The following HRH1 variants were observed in gnomAD, a reference collection of about 807,000 sequenced individuals.
The protein encoded by HRH1 is histamine H1 receptor.
Under a neutral mutation model 10.3 loss-of-function variants are expected in HRH1, and 6 were observed. That is an observed-to-expected ratio of 0.58 (90% CI 0.32 to 1.15). HRH1 has a LOEUF of 1.15. Ranked by LOEUF, HRH1 falls within the 50% of genes most tolerant of loss-of-function variation. The pLI is 0.05. For synonymous variants in HRH1, 242 were observed against 236.7 expected (o/e 1.02, Z -0.21); for missense variants, 514 against 615.3 (o/e 0.84, Z 1.74).
intron 1 of HRH1, among the ~76,000 whole-genome samples, chr3:11,179,574 T>C (rs1195964946): frequency 2.0e-5 from 3 of 146,656 alleles, no homozygotes; most frequent in African/African-American, 7.6e-5. Flanking sequence ...GAGCTGAGAT[T>C]ACGCCACTGC....
intron 1 of HRH1, among the ~76,000 whole-genome samples, chr3:11,249,402 C>CAAA (rs4037602): frequency 7.5e-4 from 54 of 71,856 alleles, no homozygotes; most frequent in Non-Finnish European, 8.5e-4. Context: ...GACTCTGTCT[C>CAAA]AAAAAAAAAA....
chr3:11,206,837 C>T (rs769393516), intron 1 of HRH1, among the ~76,000 whole-genome samples: 3 of 152,132 alleles, frequency 2.0e-5, no homozygotes, highest in Non-Finnish European at 4.4e-5. Context: ...TCTGCACCCT[C>T]GAAGGGCACA....
rs765963183 is a variant in HRH1 at position 11,260,107 on chromosome 3, CCTT to C, written c.1073_1075del (p.Phe358del). 2,821 of 1,614,096 alleles carry C rather than the reference CCTT, an allele frequency of 1.7e-3. 6 individuals are homozygous for C. Among genetic ancestry groups the C allele is most frequent in the Non-Finnish European group, 2.0e-3 (2,386 of 1,180,018 alleles). On this transcript the variant is annotated inframe_deletion, in exon 2 of 2. Transcript: ENST00000431010. ...GATCAGATGTTAGGTGATAGCCAAT[CCTT>C]CTCTCGAACGGACTCAGATACCACC... is the stretch of plus-strand genomic sequence containing the variant.
intron 1 of HRH1, among the ~76,000 whole-genome samples, chr3:11,186,687 T>C (rs1487160862): frequency 6.6e-6 from 1 of 152,184 alleles, no homozygotes; most frequent in African/African-American, 2.4e-5. Flanking sequence ...TGGGTGTTCA[T>C]GTAGCACAGG....
rs561956665 is a variant in HRH1, at chr3:11,217,215, A to T, written c.-35-41788A>T. ...AACAAACACACAAACAAACAAAACCAAAAAAAAAAAAACAGAAAGAAAAAC... is the reference window on the plus strand; with the variant it reads ...AACAAACACACAAACAAACAAAACCTAAAAAAAAAAAACAGAAAGAAAAAC... On this transcript the variant is annotated intron_variant, in intron 1 of 1. Coordinates refer to ENST00000431010, the MANE Select transcript of HRH1 (RefSeq NM_001098212.2). Among the ~76,000 whole-genome samples the T allele has an allele frequency of 3.3e-4, 23 of 69,326 alleles. No individual in the cohort carries two copies. The South Asian group carries it at 7.4e-3, about 22-fold the overall frequency. The allele number at this position is 69,326 out of a possible 152,430, so 45.5% of individuals were successfully genotyped here. A position where few individuals can be genotyped will look rare whatever the true frequency, so the allele number is the denominator to read the frequency against.
At position 11,180,948 on chromosome 3, in the gene HRH1, T is replaced by TACACACACACACACACACAC. The variant is rs71055851; in HGVS notation, c.-36+26427_-36+26446dup. ...TGTGGACATACACTTCTCTCAGGCATACACACACACACACACACACACACA... is the reference window on the plus strand; with the variant it reads ...TGTGGACATACACTTCTCTCAGGCATACACACACACACACACACACACACACACACACACACACACACACA... On this transcript the variant is annotated intron_variant, in intron 1 of 1. Transcript: ENST00000431010. 5.6e-4 allele frequency among the ~76,000 whole-genome samples: 68 copies of TACACACACACACACACACAC among 121,116 alleles called. 1 individual carries two copies. Among genetic ancestry groups the TACACACACACACACACACAC allele is most frequent in the African/African-American group, 1.4e-3 (44 of 32,556 alleles). 79.5% of individuals were successfully genotyped at this position (121,116 alleles called of 152,430 possible).
chr3:11,189,657 C>T (rs1214395006), intron 1 of HRH1, among the ~76,000 whole-genome samples: 13 of 152,032 alleles, frequency 8.6e-5, no homozygotes, highest in Admixed American at 7.9e-4. Context: ...ACTGGCTGGG[C>T]GTGGTGGCTC....
rs1442719991 is a variant in HRH1, at chr3:11,261,246, GA to G, written c.*746del. 1 of 167,016 alleles carries G rather than the reference GA, an allele frequency of 6.0e-6. No homozygotes were observed. The highest frequency in any genetic ancestry group is 2.4e-5 in the African/African-American group (1 of 41,438). The allele number at this position is 167,016 out of a possible 1,614,324, so 10.3% of individuals were successfully genotyped here. A position where few individuals can be genotyped will look rare whatever the true frequency, so the allele number is the denominator to read the frequency against. On this transcript the variant is annotated 3_prime_UTR_variant, in exon 2 of 2. Coordinates refer to ENST00000431010, the MANE Select transcript of HRH1 (RefSeq NM_001098212.2). Reference sequence around the variant, plus strand: ...GGCTATTAAAAAAGTGGTGGCAAAAGACATCCTCAAAAGAAAGAGAAATGAA... The same window carrying G: ...GGCTATTAAAAAAGTGGTGGCAAAAGCATCCTCAAAAGAAAGAGAAATGAA...
intron 1 of HRH1, among the ~76,000 whole-genome samples, chr3:11,210,726 G>A (rs1168116752): frequency 1.3e-5 from 2 of 151,236 alleles, no homozygotes; most frequent in African/African-American, 4.9e-5. Context: ...TCGGGAGGCA[G>A]AGGTTGCAGT....
upstream of HRH1, among the ~76,000 whole-genome samples, chr3:11,151,459 T>C (rs907305029): frequency 2.6e-5 from 4 of 152,022 alleles, no homozygotes; most frequent in African/African-American, 9.7e-5. Context: ...GGGTTTAAGT[T>C]ACCTGCAATC....
At chr3:11,145,868 T>A (rs748808989) in intron 1 of HRH1, among the ~76,000 whole-genome samples, 2 of 152,232 alleles carry the variant, frequency 1.3e-5, no homozygotes, top group African/African-American at 2.4e-5. Flanking sequence ...ATCAAAGTAG[T>A]GACTTTTACT....
intron 1 of HRH1, among the ~76,000 whole-genome samples, chr3:11,212,978 T>C (rs1938376743): frequency 6.6e-6 from 1 of 152,194 alleles, no homozygotes; most frequent in South Asian, 2.1e-4. Context: ...GTGATGTTTT[T>C]TCCTGCAGAT....
chr3:11,229,018 A>G (rs1938971923), intron 1 of HRH1, among the ~76,000 whole-genome samples: 1 of 152,198 alleles, frequency 6.6e-6, no homozygotes, highest in Admixed American at 6.5e-5. Flanking sequence ...TAAGGGATAC[A>G]GGAAAGCTTC....
chr3:11,214,978 G>A (rs1938441793), intron 1 of HRH1, among the ~76,000 whole-genome samples: 1 of 152,204 alleles, frequency 6.6e-6, no homozygotes, highest in Non-Finnish European at 1.5e-5. Context: ...ATAATAGGCT[G>A]ACCTGAAGGT....
intron 1 of HRH1, among the ~76,000 whole-genome samples, chr3:11,217,057 A>G (rs1303435358): frequency 6.6e-6 from 1 of 150,902 alleles, no homozygotes; most frequent in East Asian, 2.0e-4. Context: ...TTGGTGAGGT[A>G]CGCCTGTAGT....
At chr3:11,241,024 G>A (rs990457075) in intron 1 of HRH1, among the ~76,000 whole-genome samples, 16 of 152,326 alleles carry the variant, frequency 1.1e-4, no homozygotes, top group African/African-American at 2.9e-4. Context: ...TGCTAAGCAT[G>A]TGGAAAACAT....
intron 1 of HRH1, among the ~76,000 whole-genome samples, chr3:11,239,411 A>G (rs1160126265): frequency 6.6e-6 from 1 of 152,210 alleles, no homozygotes; most frequent in East Asian, 1.9e-4. Context: ...TTTTGGATAC[A>G]TCAGATATAT....
At position 11,259,223 on chromosome 3, in the gene HRH1, G is replaced by C. The variant is rs1939868724; in HGVS notation, c.186G>C (p.Gly62=). 4 of 1,613,718 alleles carry C rather than the reference G, an allele frequency of 2.5e-6. No individual in the cohort carries two copies. The Admixed American group carries it at 6.7e-5, about 27-fold the overall frequency. ...VRSERKLHTV[G]NLYIVSLSVA... is the part of the protein sequence containing the mutation. Reference sequence around the variant, plus strand: ...GTGAGCGGAAGCTCCACACTGTGGGGAACCTGTACATCGTCAGCCTCTCGG... The same window carrying C: ...GTGAGCGGAAGCTCCACACTGTGGGCAACCTGTACATCGTCAGCCTCTCGG... The change falls in exon 2 of 2, where the codon GGG becomes GGC. Residue 62 remains glycine, a synonymous_variant. Coordinates refer to ENST00000431010, the MANE Select transcript of HRH1 (RefSeq NM_001098212.2). The surrounding 1 kb of genome is among the most constrained non-coding windows in gnomAD (Gnocchi z 4.6).
At chr3:11,249,006 C>G (rs1299154499) in intron 1 of HRH1, among the ~76,000 whole-genome samples, 1 of 151,884 alleles carries the variant, frequency 6.6e-6, no homozygotes, top group Non-Finnish European at 1.5e-5. Flanking sequence ...ATCTTGATAT[C>G]CTGTTTCAAT....
Sources: allele counts gnomAD v4.1 joint callset (sites outside exome capture counted in the v4.1 genomes callset), GRCh38; gene constraint gnomAD v4.1.1; non-coding constraint Gnocchi (gnomAD v3.1); transcripts MANE v1.5; gene names NCBI Gene and HGNC (gene_info 2026-07-23, HGNC 2026-07-21).